The following PLXNC1 variants were observed in gnomAD, a reference collection of about 807,000 sequenced individuals.
PLXNC1 encodes the protein plexin C1, also known as plexin-C1.
PLXNC1 carries 75 observed loss-of-function variants against 178.2 expected under a neutral mutation model. The observed-to-expected ratio is 0.42, with a 90% CI of 0.35 to 0.51. The LOEUF (loss-of-function observed/expected upper bound fraction) is 0.51. Ranked by LOEUF, PLXNC1 falls within the 20% of genes least tolerant of loss-of-function variation. The pLI, the probability that PLXNC1 is intolerant of heterozygous loss-of-function variation, is 0.02. For missense variants in PLXNC1, 1,503 were observed against 1,984.4 expected (o/e 0.76, Z 4.61); for synonymous variants, 790 against 779.9 (o/e 1.01, Z -0.22).
intron 1 of PLXNC1, among the ~76,000 whole-genome samples, chr12:94,164,799 G>C (rs143791640): frequency 6.6e-6 from 1 of 151,796 alleles, no homozygotes; most frequent in East Asian, 1.9e-4. Context: ...CCCAAACATC[G>C]CTTGAGCCAA....
At position 94,260,570 on chromosome 12, in the gene PLXNC1, T is replaced by G. The variant is rs1271961566; in HGVS notation, c.3252-72T>G. On this transcript the variant is annotated intron_variant, in intron 19 of 30. Transcript: ENST00000258526. The surrounding 1 kb of genome is among the most constrained non-coding windows in gnomAD (Gnocchi z 4.4). ...CCAGCTCCCTGCCCTGCCAGTGAGC[T>G]TCCATGGAAACTCCCATGGGTGTCC... 4 of 1,119,560 alleles carry G rather than the reference T, an allele frequency of 3.6e-6. No individual in the cohort carries two copies. The highest frequency in any genetic ancestry group is 2.2e-5 in the Admixed American group (1 of 46,284). The allele number at this position is 1,119,560 out of a possible 1,614,324, so 69.4% of individuals were successfully genotyped here. A position where few individuals can be genotyped will look rare whatever the true frequency, so the allele number is the denominator to read the frequency against.
At chr12:94,270,631 A>C (rs1965514605) in intron 21 of PLXNC1, among the ~76,000 whole-genome samples, 1 of 152,080 alleles carries the variant, frequency 6.6e-6, no homozygotes, top group Non-Finnish European at 1.5e-5. Context: ...GTGAATACTA[A>C]AATCAGTTAT....
At chr12:94,283,555 G>A (rs1020235786) in intron 23 of PLXNC1, among the ~76,000 whole-genome samples, 3 of 152,184 alleles carry the variant, frequency 2.0e-5, no homozygotes, top group African/African-American at 7.2e-5. Flanking sequence ...TACGGGAGAC[G>A]GGAGTTTTAT....
intron 4 of PLXNC1, among the ~76,000 whole-genome samples, chr12:94,190,355 A>C (rs147483809): frequency 8.5e-5 from 13 of 152,198 alleles, no homozygotes; most frequent in Admixed American, 1.3e-4. Flanking sequence ...TGATCCTTCC[A>C]CTGCAGTCTC....
At chr12:94,257,892 G>A (rs1592819590) in intron 17 of PLXNC1, among the ~76,000 whole-genome samples, 2 of 150,846 alleles carry the variant, frequency 1.3e-5, no homozygotes, top group Non-Finnish European at 2.9e-5. Context: ...CTGGGCGACA[G>A]AGCGAGACTC....
chr12:94,285,933 G>A lies in PLXNC1; in HGVS notation c.3879+3532G>A, dbSNP rs116393592. 2.3e-3 allele frequency among the ~76,000 whole-genome samples: 357 copies of A among 152,294 alleles called. 1 individual carries two copies. The highest frequency in any genetic ancestry group is 8.3e-3 in the African/African-American group (346 of 41,558). On this transcript the variant is annotated intron_variant, in intron 23 of 30. Transcript: ENST00000258526. ...TTGGCCACTGTGGGGCATGGGGTGG[G>A]CCGCAGAGGCAGGGGATGGGGCTAC...
intron 21 of PLXNC1, among the ~76,000 whole-genome samples, chr12:94,266,055 G>A (rs563314792): frequency 1.3e-5 from 2 of 152,288 alleles, no homozygotes; most frequent in African/African-American, 4.8e-5. Flanking sequence ...TCACGATCTC[G>A]TTAGTGGAGG....
intron 5 of PLXNC1, among the ~76,000 whole-genome samples, chr12:94,215,301 T>C (rs182704221): frequency 1.4e-4 from 21 of 152,284 alleles, no homozygotes; most frequent in Admixed American, 1.3e-3. Context: ...TTAGAATATA[T>C]GGAAAACATC....
intron 4 of PLXNC1, among the ~76,000 whole-genome samples, chr12:94,199,507 C>T (rs150149822): frequency 4.1e-4 from 62 of 152,166 alleles, no homozygotes; most frequent in African/African-American, 9.6e-4. Context: ...ACTGAATTAC[C>T]GTTGTGTGGG....
intron 11 of PLXNC1, among the ~76,000 whole-genome samples, chr12:94,243,052 C>T (rs558210885): frequency 4.1e-4 from 62 of 152,384 alleles, no homozygotes; most frequent in East Asian, 1.9e-4. Flanking sequence ...TGCTGGCCAT[C>T]GGGAGATCAC....
chr12:94,200,945 A>G (rs1431522549), intron 4 of PLXNC1, among the ~76,000 whole-genome samples: 1 of 152,208 alleles, frequency 6.6e-6, no homozygotes, highest in African/African-American at 2.4e-5. Flanking sequence ...ACAAAAATCA[A>G]TGAAATGACT....
intron 20 of PLXNC1, among the ~76,000 whole-genome samples, chr12:94,264,030 C>T (rs543367987): frequency 7.9e-5 from 12 of 152,188 alleles, no homozygotes; most frequent in South Asian, 4.1e-4. Flanking sequence ...TCTTAACTGG[C>T]GCTTCGAGCC....
intron 21 of PLXNC1, among the ~76,000 whole-genome samples, chr12:94,271,482 C>T (rs7970124): frequency 0.07 from 10,638 of 152,222 alleles, 785 homozygotes; most frequent in African/African-American, 0.18. Flanking sequence ...TGGGTAAAAC[C>T]GGTAGTGAAA....
At chr12:94,294,032 TAAACATAGG>T (rs557636387) in intron 23 of PLXNC1, among the ~76,000 whole-genome samples, 155 of 152,262 alleles carry the variant, frequency 1.0e-3, no homozygotes, top group African/African-American at 3.6e-3. Flanking sequence ...GATTAGGATT[TAAACATAGG>T]AATCTGGAGG....
At chr12:94,265,825 CTTCT>C (rs146326057) in intron 21 of PLXNC1, among the ~76,000 whole-genome samples, 4,679 of 152,204 alleles carry the variant, frequency 0.031, 135 homozygotes, top group African/African-American at 0.078. Context: ...CGCTTGAGAA[CTTCT>C]TTCTAATTCA....
At position 94,259,591 on chromosome 12, in the gene PLXNC1, ATT is replaced by A; in HGVS notation, c.3127-13_3127-12del. On this transcript the variant is annotated splice_polypyrimidine_tract_variant and intron_variant, in intron 18 of 30. Transcript: ENST00000258526. ...TATATGATTTTGTATTATACTATAT[ATT>A]TTTTTCTTTTTATCAGAACAGAGAC... The A allele has an allele frequency of 6.5e-7, 1 of 1,539,588 alleles. No individual in the cohort carries two copies. The highest frequency in any genetic ancestry group is 8.8e-7 in the Non-Finnish European group (1 of 1,138,962).
intron 1 of PLXNC1, among the ~76,000 whole-genome samples, chr12:94,163,604 C>T (rs1318631569): frequency 1.3e-5 from 2 of 151,892 alleles, no homozygotes; most frequent in African/African-American, 2.4e-5. Flanking sequence ...CACTGGGGCC[C>T]GTCGAGGGAG....
chr12:94,205,567 C>G (rs764939715), intron 4 of PLXNC1, among the ~76,000 whole-genome samples: 6 of 152,096 alleles, frequency 3.9e-5, no homozygotes, highest in Non-Finnish European at 7.4e-5. Flanking sequence ...GCAAGAAAAC[C>G]TTTTTGGGAG....
intron 4 of PLXNC1, chr12:94,186,839 T>A (rs748590444): frequency 4.4e-4 from 91 of 207,904 alleles, no homozygotes; most frequent in Non-Finnish European, 6.6e-4. Flanking sequence ...TGTCTGAAAA[T>A]TTTTCAGCTG....
Sources: allele counts gnomAD v4.1 joint callset (sites outside exome capture counted in the v4.1 genomes callset), GRCh38; gene constraint gnomAD v4.1.1; non-coding constraint Gnocchi (gnomAD v3.1); transcripts MANE v1.5; gene names NCBI Gene and HGNC (gene_info 2026-07-23, HGNC 2026-07-21).